Variants in PCED1B observed in about 807,000 individuals in gnomAD.
The protein encoded by PCED1B is PC-esterase domain containing 1B.
For synonymous variants in PCED1B, 251 were observed against 246.1 expected (o/e 1.02, Z -0.19); for missense variants, 573 against 573.9 (o/e 1.00, Z 0.02).
intron 2 of PCED1B, among the ~76,000 whole-genome samples, chr12:47,191,436 T>C (rs184865150): frequency 6.6e-6 from 1 of 152,316 alleles, no homozygotes; most frequent in East Asian, 1.9e-4. Flanking sequence ...TTCTATAAGA[T>C]CTCAAAAGAT....
intron 1 of PCED1B, among the ~76,000 whole-genome samples, chr12:47,103,201 A>T (rs1485428053): frequency 7.2e-5 from 11 of 152,202 alleles, no homozygotes; most frequent in Admixed American, 7.2e-4. Flanking sequence ...ATTAATAGTG[A>T]TGCATTTTGC....
rs147437489 is a variant in PCED1B at position 47,172,920 on chromosome 12, G to A, written c.-525-43302G>A. Among the ~76,000 whole-genome samples the A allele has an allele frequency of 5.9e-4, 90 of 152,296 alleles. No homozygotes were observed. In the South Asian group the frequency reaches 0.012, roughly 20 times the overall value. ...AAATCATTTTGAAACAGACAAGGCTGAGAAGGTACCAAAATGTTTTTGTGT... is the reference window on the plus strand; with the variant it reads ...AAATCATTTTGAAACAGACAAGGCTAAGAAGGTACCAAAATGTTTTTGTGT... On this transcript the variant is annotated intron_variant, in intron 2 of 3. Coordinates refer to ENST00000546455, the MANE Select transcript of PCED1B (RefSeq NM_138371.3).
intron 3 of PCED1B, among the ~76,000 whole-genome samples, chr12:47,222,042 G>T (rs1247025167): frequency 6.6e-6 from 1 of 150,438 alleles, no homozygotes; most frequent in Non-Finnish European, 1.5e-5. Context: ...GATAAAGGCT[G>T]CAGTGAGCCA....
At chr12:47,178,866 CAAA>C (rs35135157) in intron 2 of PCED1B, among the ~76,000 whole-genome samples, 3 of 81,272 alleles carry the variant, frequency 3.7e-5, no homozygotes, top group Non-Finnish European at 2.5e-5. Context: ...GACTCCATCT[CAAA>C]AAAAAAAAAA....
chr12:47,101,855 A>T lies in PCED1B; in HGVS notation c.-608-2258A>T, dbSNP rs139005465. Among the ~76,000 whole-genome samples the T allele has an allele frequency of 2.3e-3, 348 of 152,022 alleles. 3 individuals are homozygous for T. The highest frequency in any genetic ancestry group is 0.022 in the South Asian group (106 of 4,786). On this transcript the variant is annotated intron_variant, in intron 1 of 3. Coordinates refer to ENST00000546455, the MANE Select transcript of PCED1B (RefSeq NM_138371.3). Reference sequence around the variant, plus strand: ...CAGCTACCGGGGAAGCTGAGGCAGGAGTGTCATTTGAACCCAGGAGGCGGA... The same window carrying T: ...CAGCTACCGGGGAAGCTGAGGCAGGTGTGTCATTTGAACCCAGGAGGCGGA...
intron 2 of PCED1B, among the ~76,000 whole-genome samples, chr12:47,109,653 T>C (rs1218684540): frequency 1.3e-5 from 2 of 152,242 alleles, no homozygotes; most frequent in Non-Finnish European, 2.9e-5. Flanking sequence ...CTCATATTTA[T>C]CTCTATTCAG....
chr12:47,188,789 T>C (rs1431536474), intron 2 of PCED1B, among the ~76,000 whole-genome samples: 2 of 152,224 alleles, frequency 1.3e-5, no homozygotes, highest in Admixed American at 6.5e-5. Context: ...CAGAGGACCA[T>C]TGGGAGCATA....
chr12:47,235,794 T>G lies in PCED1B; in HGVS notation c.731T>G (p.Leu244Arg), dbSNP rs759140709. Reference protein sequence around the residue: ...GRVHRCLSQLLLAHVADAWGV... With the variant: ...GRVHRCLSQLRLAHVADAWGV... ...GTGCACCGCTGCCTCTCCCAGCTGCTGCTGGCCCACGTGGCCGACGCCTGG... is the reference window on the plus strand; with the variant it reads ...GTGCACCGCTGCCTCTCCCAGCTGCGGCTGGCCCACGTGGCCGACGCCTGG... The change falls in exon 4 of 4, where the codon CTG becomes CGG. Residue 244 changes from leucine to arginine, a missense_variant. Transcript: ENST00000546455. The G allele has an allele frequency of 2.2e-5, 35 of 1,584,262 alleles. No homozygotes were observed. Among genetic ancestry groups the G allele is most frequent in the Non-Finnish European group, 3.0e-5 (35 of 1,165,314 alleles).
intron 2 of PCED1B, among the ~76,000 whole-genome samples, chr12:47,108,635 G>C (rs970300903): frequency 6.6e-6 from 1 of 152,016 alleles, no homozygotes; most frequent in Non-Finnish European, 1.5e-5. Flanking sequence ...TTTCTCTTAG[G>C]CTTTCATTAC....
chr12:47,106,498 T>C (rs1260863029), intron 2 of PCED1B, among the ~76,000 whole-genome samples: 1 of 152,178 alleles, frequency 6.6e-6, no homozygotes, highest in Non-Finnish European at 1.5e-5. Flanking sequence ...AACAGCCCTC[T>C]GACCTGGTGC....
chr12:47,104,700 C>T (rs1938867691), intron 2 of PCED1B, among the ~76,000 whole-genome samples: 1 of 152,190 alleles, frequency 6.6e-6, no homozygotes, highest in Admixed American at 6.5e-5. Flanking sequence ...CAAACCTCTT[C>T]TAATTACTCT....
At chr12:47,117,071 C>T (rs760231669) in intron 2 of PCED1B, among the ~76,000 whole-genome samples, 47 of 152,132 alleles carry the variant, frequency 3.1e-4, no homozygotes, top group Non-Finnish European at 5.6e-4. Flanking sequence ...TGATCTTGAG[C>T]TCCTGGGCTG....
At chr12:47,179,877 T>C (rs898538583) in intron 2 of PCED1B, among the ~76,000 whole-genome samples, 1 of 152,164 alleles carries the variant, frequency 6.6e-6, no homozygotes, top group African/African-American at 2.4e-5. Context: ...TATCAATATG[T>C]CAGTGTCATA....
chr12:47,222,971 C>T (rs1456858307), intron 3 of PCED1B, among the ~76,000 whole-genome samples: 3 of 151,984 alleles, frequency 2.0e-5, no homozygotes, highest in African/African-American at 7.3e-5. Flanking sequence ...CTGTTTGGGG[C>T]AAATAGGGAC....
At chr12:47,112,885 G>A (rs1476774465) in intron 2 of PCED1B, among the ~76,000 whole-genome samples, 2 of 152,140 alleles carry the variant, frequency 1.3e-5, no homozygotes, top group Admixed American at 6.5e-5. Context: ...TGCAGAGAGC[G>A]GTAACAGCTT....
chr12:47,112,529 T>C (rs1328908136), intron 2 of PCED1B, among the ~76,000 whole-genome samples: 2 of 152,252 alleles, frequency 1.3e-5, no homozygotes, highest in East Asian at 3.8e-4. Context: ...CCTGGCTGTT[T>C]CTATTTAACA....
intron 1 of PCED1B, among the ~76,000 whole-genome samples, chr12:47,083,345 G>A (rs947914816): frequency 6.6e-6 from 1 of 151,650 alleles, no homozygotes. Context: ...CTCTTTTTTC[G>A]GCGTGAGGCA....
chr12:47,127,848 C>T (rs893798131), intron 2 of PCED1B, among the ~76,000 whole-genome samples: 3 of 152,116 alleles, frequency 2.0e-5, no homozygotes, highest in Non-Finnish European at 4.4e-5. Context: ...TCCATAAGTT[C>T]CAGTCAGGTC....
chr12:47,178,921 G>A (rs1942011953), intron 2 of PCED1B, among the ~76,000 whole-genome samples: 1 of 151,404 alleles, frequency 6.6e-6, no homozygotes. Flanking sequence ...ATGTACCAGT[G>A]TCATGAACGT....
Sources: gnomAD v4.1 joint callset for allele counts (sites outside exome capture counted in the v4.1 genomes callset) on GRCh38, gnomAD v4.1.1 for gene constraint, MANE v1.5 for transcripts, NCBI Gene and HGNC (gene_info 2026-07-23, HGNC 2026-07-21) for gene names.